PCDH15: variants seen among roughly 807,000 people sequenced by gnomAD.
The protein encoded by PCDH15 is protocadherin related 15.
Under a neutral mutation model 178.5 loss-of-function variants are expected in PCDH15, and 129 were observed. That is an observed-to-expected ratio of 0.72 (90% CI 0.63 to 0.84). The LOEUF (loss-of-function observed/expected upper bound fraction) is 0.84. PCDH15 is among the 40% of genes least tolerant of loss of function. The pLI is 0.00. For missense variants in PCDH15, 2,230 were observed against 2,099.9 expected (o/e 1.06, Z -1.21); for synonymous variants, 800 against 732.0 (o/e 1.09, Z -1.50).
At chr10:54,383,216 A>G (rs914011105) in intron 3 of PCDH15, among the ~76,000 whole-genome samples, 2 of 152,130 alleles carry the variant, frequency 1.3e-5, no homozygotes, top group African/African-American at 4.8e-5. Flanking sequence ...AGAGAAGCAC[A>G]GAACATACTT....
chr10:54,526,602 CATA>C (rs1258306439), intron 3 of PCDH15, among the ~76,000 whole-genome samples: 2 of 151,752 alleles, frequency 1.3e-5, no homozygotes, highest in African/African-American at 4.9e-5. Flanking sequence ...ATAAATGCAT[CATA>C]ATAACTGTAA....
At chr10:54,803,015 G>T (rs1363312683), upstream of PCDH15, among the ~76,000 whole-genome samples, 1 of 152,092 alleles carries the variant, frequency 6.6e-6, no homozygotes, top group Non-Finnish European at 1.5e-5. Context: ...ATGTGAAAAT[G>T]CAATATTTAC....
chr10:54,229,493 C>A (rs1442087428), intron 9 of PCDH15, among the ~76,000 whole-genome samples: 1 of 152,112 alleles, frequency 6.6e-6, no homozygotes, highest in African/African-American at 2.4e-5. Context: ...CCACCCAAAT[C>A]TCATCTTGAA....
intron 3 of PCDH15, among the ~76,000 whole-genome samples, chr10:54,514,488 C>T (rs1191787625): frequency 2.6e-5 from 4 of 150,976 alleles, no homozygotes; most frequent in African/African-American, 9.7e-5. Context: ...TGAATATTAG[C>T]TGATTTACCT....
At chr10:55,431,043 TA>T (rs1286408113) in intron 2 of PCDH15, among the ~76,000 whole-genome samples, 1 of 152,158 alleles carries the variant, frequency 6.6e-6, no homozygotes, top group Non-Finnish European at 1.5e-5. Context: ...AGTAAAGTAT[TA>T]AATCATTATC....
intron 2 of PCDH15, among the ~76,000 whole-genome samples, chr10:55,521,610 TTTGA>T (rs1565219694): frequency 6.6e-6 from 1 of 151,962 alleles, no homozygotes; most frequent in African/African-American, 2.4e-5. Flanking sequence ...CCACAGATAC[TTTGA>T]TTGTTTTCAT....
intron 28 of PCDH15, among the ~76,000 whole-genome samples, chr10:53,853,061 T>C (rs1343195020): frequency 1.3e-5 from 2 of 152,062 alleles, no homozygotes; most frequent in Admixed American, 6.6e-5. Flanking sequence ...ACCACTTCCA[T>C]CTACTAATGT....
intron 2 of PCDH15, among the ~76,000 whole-genome samples, chr10:54,571,321 T>C (rs1201485636): frequency 1.2e-5 from 1 of 81,644 alleles, no homozygotes; most frequent in Non-Finnish European, 2.2e-5. Context: ...TACGAGACAA[T>C]AGACAAAATT....
chr10:54,514,595 TA>T (rs1385586146), intron 3 of PCDH15, among the ~76,000 whole-genome samples: 1 of 151,630 alleles, frequency 6.6e-6, no homozygotes, highest in Non-Finnish European at 1.5e-5. Flanking sequence ...TTGTGAGATT[TA>T]GCTGGAATTT....
intron 2 of PCDH15, among the ~76,000 whole-genome samples, chr10:55,341,610 G>A (rs1018398387): frequency 7.0e-6 from 1 of 142,556 alleles, no homozygotes; most frequent in Admixed American, 7.1e-5. Flanking sequence ...TCTCCCTGTC[G>A]CCTGACTGGA....
intron 34 of PCDH15, 103 bp downstream of exon 34, chr10:53,817,892 C>A: frequency 2.5e-6 from 1 of 397,310 alleles, no homozygotes; most frequent in Non-Finnish European, 4.4e-6. Flanking sequence ...TTGCTGAAAT[C>A]AAAGAAAATA....
chr10:54,099,413 T>C (rs758820649), intron 15 of PCDH15, among the ~76,000 whole-genome samples: 2 of 142,914 alleles, frequency 1.4e-5, no homozygotes, highest in Non-Finnish European at 3.0e-5. Flanking sequence ...GGCAGGAGAA[T>C]GTATGAACCC....
intron 3 of PCDH15, among the ~76,000 whole-genome samples, chr10:54,524,461 T>G (rs2132601603): frequency 6.6e-6 from 1 of 152,316 alleles, no homozygotes; most frequent in South Asian, 2.1e-4. Flanking sequence ...TTCCAAAGTA[T>G]GTTTAATGTC....
intron 2 of PCDH15, among the ~76,000 whole-genome samples, chr10:54,536,026 C>A (rs1304697731): frequency 6.6e-6 from 1 of 152,110 alleles, no homozygotes; most frequent in African/African-American, 2.4e-5. Flanking sequence ...TTCCAGCAAG[C>A]AACCATGATT....
At chr10:55,073,561 A>G (rs1841805094) in intron 2 of PCDH15, among the ~76,000 whole-genome samples, 2 of 152,148 alleles carry the variant, frequency 1.3e-5, no homozygotes, top group Non-Finnish European at 2.9e-5. Flanking sequence ...GTATTTTGTT[A>G]AGAATTTTTA....
chr10:54,052,360 C>T (rs1337351053), intron 18 of PCDH15, among the ~76,000 whole-genome samples: 1 of 152,152 alleles, frequency 6.6e-6, no homozygotes, highest in Non-Finnish European at 1.5e-5. Flanking sequence ...AAGCTTCCCA[C>T]GGCTATGGGA....
intron 1 of PCDH15, among the ~76,000 whole-genome samples, chr10:54,693,901 C>T (rs1419366999): frequency 1.3e-5 from 2 of 151,790 alleles, no homozygotes; most frequent in African/African-American, 4.8e-5. Context: ...AAAACCAAAC[C>T]GAAACAAAAA....
chr10:54,768,518 A>G (rs367876048), intron 1 of PCDH15, among the ~76,000 whole-genome samples: 2 of 152,030 alleles, frequency 1.3e-5, no homozygotes, highest in East Asian at 1.9e-4. Context: ...TATTCTCAGG[A>G]TTTCAGAGAA....
At chr10:54,554,726 T>C (rs959797915) in intron 2 of PCDH15, among the ~76,000 whole-genome samples, 5 of 152,144 alleles carry the variant, frequency 3.3e-5, no homozygotes, top group African/African-American at 9.7e-5. Context: ...AACCCTCTCA[T>C]CATTTTTGCA....
Sources: allele counts gnomAD v4.1 joint callset (sites outside exome capture counted in the v4.1 genomes callset), GRCh38; gene constraint gnomAD v4.1.1; transcripts MANE v1.5; gene names NCBI Gene and HGNC (gene_info 2026-07-23, HGNC 2026-07-21).